Variants in PSD3 observed in about 807,000 individuals in gnomAD.
PSD3 encodes the protein pleckstrin and Sec7 domain containing 3.
In PSD3, 49 loss-of-function variants were observed where a neutral mutation model predicts 105.5. The observed-to-expected ratio is 0.46, with a 90% CI of 0.37 to 0.59. The LOEUF (loss-of-function observed/expected upper bound fraction) is 0.59. PSD3 is among the 20% of genes least tolerant of loss of function. The pLI, the probability that PSD3 is intolerant of heterozygous loss-of-function variation, is 0.00. For synonymous variants in PSD3, 557 were observed against 457.8 expected, an observed-to-expected ratio of 1.22 and a Z score of -2.77; for missense variants, 1,561 against 1,263.8, an observed-to-expected ratio of 1.24 and a Z score of -3.57.
At chr8:18,749,090 C>T (rs533176585) in intron 9 of PSD3, among the ~76,000 whole-genome samples, 12 of 152,304 alleles carry the variant, frequency 7.9e-5, no homozygotes, top group Middle Eastern at 3.4e-3. Context: ...CTGCATGCTA[C>T]GTGTTGATTA....
intron 1 of PSD3, among the ~76,000 whole-genome samples, chr8:19,029,919 G>T (rs1056923191): frequency 6.6e-6 from 1 of 152,096 alleles, no homozygotes; most frequent in Non-Finnish European, 1.5e-5. Context: ...TCTTAATAAT[G>T]ATTTTCTACA....
At chr8:18,549,328 T>C (rs1800630292) in intron 15 of PSD3, among the ~76,000 whole-genome samples, 1 of 152,060 alleles carries the variant, frequency 6.6e-6, no homozygotes, top group Non-Finnish European at 1.5e-5. Context: ...ATTACAGGCA[T>C]GTGCCACAAC....
intron 2 of PSD3, among the ~76,000 whole-genome samples, chr8:18,895,050 G>C (rs894686873): frequency 6.6e-6 from 1 of 152,168 alleles, no homozygotes; most frequent in Non-Finnish European, 1.5e-5. Flanking sequence ...CCCACCCTTT[G>C]AAAGACACCA....
At chr8:18,795,333 A>G (rs1810078909) in intron 8 of PSD3, among the ~76,000 whole-genome samples, 2 of 152,162 alleles carry the variant, frequency 1.3e-5, no homozygotes, top group African/African-American at 4.8e-5. Context: ...CGAGAAAGAG[A>G]GCTACCTCTA....
chr8:18,781,332 T>G (rs576081779), intron 8 of PSD3, among the ~76,000 whole-genome samples: 1 of 152,226 alleles, frequency 6.6e-6, no homozygotes, highest in South Asian at 2.1e-4. Flanking sequence ...CCTTTTTCTA[T>G]GGCATATAAG....
intron 8 of PSD3, among the ~76,000 whole-genome samples, chr8:18,768,826 C>G (rs923422831): frequency 2.0e-5 from 3 of 152,054 alleles, no homozygotes; most frequent in Non-Finnish European, 2.9e-5. Context: ...AAAACCTTGC[C>G]TCTTTCATCA....
At chr8:18,679,755 A>G (rs1800277054) in intron 9 of PSD3, among the ~76,000 whole-genome samples, 2 of 152,192 alleles carry the variant, frequency 1.3e-5, no homozygotes, top group African/African-American at 2.4e-5. Flanking sequence ...CAACAGGCCA[A>G]TGTTTCACTA....
chr8:18,571,415 C>T (rs1263140693), intron 14 of PSD3, among the ~76,000 whole-genome samples: 1 of 152,132 alleles, frequency 6.6e-6, no homozygotes. Flanking sequence ...AACTGCCTCT[C>T]ATCCTTTAAG....
At chr8:18,940,068 T>G (rs1822430617) in intron 1 of PSD3, 1 of 152,166 alleles carries the variant, frequency 6.6e-6, no homozygotes, top group Non-Finnish European at 1.5e-5. Context: ...TTCTCAAAAT[T>G]TATCATGAAT....
chr8:18,782,101 C>A (rs1339389056), intron 8 of PSD3, among the ~76,000 whole-genome samples: 3 of 151,848 alleles, frequency 2.0e-5, no homozygotes, highest in African/African-American at 2.4e-5. Context: ...TTGCATTGTT[C>A]ATCTGTTTTC....
intron 10 of PSD3, among the ~76,000 whole-genome samples, chr8:18,655,173 A>AC (rs1451672760): frequency 6.6e-6 from 1 of 151,700 alleles, no homozygotes; most frequent in East Asian, 1.9e-4. Flanking sequence ...AATGCAAAAA[A>AC]AAAAAATTAG....
chr8:18,794,468 G>T (rs200233677), intron 8 of PSD3, among the ~76,000 whole-genome samples: 2 of 1,424 alleles, frequency 1.4e-3, no homozygotes, highest in East Asian at 5.0e-3. Context: ...CTGGGCAATG[G>T]AATGTCTCGG....
At chr8:18,862,948 A>T (rs1816557094) in intron 4 of PSD3, among the ~76,000 whole-genome samples, 1 of 151,962 alleles carries the variant, frequency 6.6e-6, no homozygotes, top group Non-Finnish European at 1.5e-5. Context: ...CTGAAGACAG[A>T]CTGAAGCGCT....
At chr8:18,727,334 CAAAAA>C (rs11300334) in intron 9 of PSD3, among the ~76,000 whole-genome samples, 2,572 of 55,746 alleles carry the variant, frequency 0.046, 76 homozygotes, top group African/African-American at 0.14. Context: ...GACTGTGTCT[CAAAAA>C]AAAAAAAAAA....
At chr8:18,603,025 A>T (rs1307353978) in intron 11 of PSD3, among the ~76,000 whole-genome samples, 1 of 152,240 alleles carries the variant, frequency 6.6e-6, no homozygotes, top group African/African-American at 2.4e-5. Flanking sequence ...AACCTAATGC[A>T]GCAACTGACA....
intron 1 of PSD3, among the ~76,000 whole-genome samples, chr8:19,079,198 G>A (rs551386150): frequency 1.3e-5 from 2 of 152,142 alleles, no homozygotes; most frequent in South Asian, 4.2e-4. Context: ...AGATGAGAAA[G>A]GATTGAAACC....
intron 1 of PSD3, among the ~76,000 whole-genome samples, chr8:18,947,652 C>T (rs1014833954): frequency 1.3e-5 from 2 of 152,208 alleles, no homozygotes; most frequent in Non-Finnish European, 2.9e-5. Context: ...GAAAGCATGC[C>T]TTTAACAGGT....
chr8:18,796,905 A>G (rs897649771), intron 8 of PSD3, among the ~76,000 whole-genome samples: 1 of 152,166 alleles, frequency 6.6e-6, no homozygotes, highest in Non-Finnish European at 1.5e-5. Flanking sequence ...GGTGAAAAGG[A>G]GCAGAACAGT....
intron 9 of PSD3, among the ~76,000 whole-genome samples, chr8:18,752,455 T>A (rs1173606155): frequency 8.2e-6 from 1 of 122,470 alleles, no homozygotes; most frequent in East Asian, 2.3e-4. Flanking sequence ...GTTCTCAAAA[T>A]CCCTAACTTT....
Sources: gnomAD v4.1 joint callset for allele counts (sites outside exome capture counted in the v4.1 genomes callset) on GRCh38, gnomAD v4.1.1 for gene constraint, MANE v1.5 for transcripts, NCBI Gene and HGNC (gene_info 2026-07-23, HGNC 2026-07-21) for gene names.